KLHL31: variants seen among roughly 807,000 people sequenced by gnomAD.
The protein encoded by KLHL31 is kelch-like protein 31.
A neutral mutation model predicts 47.1 loss-of-function variants in KLHL31; 32 were observed. The observed-to-expected ratio is 0.68, with a 90% CI of 0.51 to 0.91. KLHL31 has a LOEUF of 0.91. KLHL31 is among the 40% of genes least tolerant of loss of function. The probability of loss-of-function intolerance (pLI) is 0.00; values close to 1 mark genes in which losing one functional copy is unlikely to be tolerated. For synonymous variants in KLHL31, 330 were observed against 325.1 expected, an observed-to-expected ratio of 1.01 and a Z score of -0.16; for missense variants, 797 against 819.3, an observed-to-expected ratio of 0.97 and a Z score of 0.33.
At chr6:53,664,674 T>G (rs1764693979) in intron 1 of KLHL31, among the ~76,000 whole-genome samples, 1 of 152,232 alleles carries the variant, frequency 6.6e-6, no homozygotes, top group Admixed American at 6.5e-5. Flanking sequence ...GCACCCATGC[T>G]TCCTGGGAGT....
In KLHL31 at chr6:53,654,098, T is replaced by C; in HGVS notation, c.1172+3A>G. On this transcript the variant is annotated splice_donor_region_variant and intron_variant, in intron 2 of 2. Transcript: ENST00000370905. Reference sequence around the variant, plus strand: ...TTTCAGTTCCTAATAAAAGATCAAGTACCTGCAGAAATTGCTGACTGCATG... The same window carrying C: ...TTTCAGTTCCTAATAAAAGATCAAGCACCTGCAGAAATTGCTGACTGCATG... The C allele has an allele frequency of 6.3e-7, 1 of 1,590,604 alleles. No homozygotes were observed. Among genetic ancestry groups the C allele is most frequent in the Non-Finnish European group, 8.6e-7 (1 of 1,168,246 alleles).
intron 1 of KLHL31, among the ~76,000 whole-genome samples, chr6:53,661,240 A>G (rs1764640727): frequency 6.6e-6 from 1 of 152,230 alleles, no homozygotes; most frequent in Admixed American, 6.5e-5. Flanking sequence ...CTTATGCTCC[A>G]GGCCCTGTTA....
At chr6:53,662,238 C>T (rs886097398) in intron 1 of KLHL31, among the ~76,000 whole-genome samples, 3 of 152,184 alleles carry the variant, frequency 2.0e-5, no homozygotes, top group African/African-American at 7.2e-5. Context: ...AGGCTTGGTT[C>T]TCCCTGGCTG....
chr6:53,663,347 AC>A (rs1339601664), intron 1 of KLHL31, among the ~76,000 whole-genome samples: 11 of 152,220 alleles, frequency 7.2e-5, no homozygotes, highest in South Asian at 6.2e-4. Flanking sequence ...TAAAAGAGTT[AC>A]CTTTTTGAAT....
chr6:53,664,131 T>G (rs544539219), intron 1 of KLHL31, among the ~76,000 whole-genome samples: 1 of 152,332 alleles, frequency 6.6e-6, no homozygotes, highest in African/African-American at 2.4e-5. Context: ...GGGATCTATA[T>G]GTCTGGGTCT....
Position 53,650,642 on chromosome 6 carries a change from G to T in KLHL31, c.*956C>A, listed in dbSNP as rs1202689068. ...AAACTTCAAGCTCTCTAAGCTTAAG[G>T]CTAATGGTCCTTAGGGACATAGTTT... On this transcript the variant is annotated 3_prime_UTR_variant, in exon 3 of 3. Transcript: ENST00000370905. 1 of 152,160 alleles carries T rather than the reference G, an allele frequency of 6.6e-6. No individual in the cohort carries two copies. Among genetic ancestry groups the T allele is most frequent in the Non-Finnish European group, 1.5e-5 (1 of 68,028 alleles). The allele number at this position is 152,160 out of a possible 1,614,324, so 9.4% of individuals were successfully genotyped here.
At position 53,648,611 on chromosome 6, in the gene KLHL31, C is replaced by T. The variant is rs1764425764; in HGVS notation, c.*2987G>A. 2 of 152,262 alleles carry T rather than the reference C, an allele frequency of 1.3e-5. No homozygotes were observed. The allele number at this position is 152,262 out of a possible 1,614,324, so 9.4% of individuals were successfully genotyped here. On this transcript the variant is annotated 3_prime_UTR_variant, in exon 3 of 3. Transcript: ENST00000370905. ...CTTCCTCATGACATCAATTATACCT[C>T]CTCACTCATAACACTTCACTACCAT...
chr6:53,651,928 C>G lies in KLHL31; in HGVS notation c.1575G>C (p.Pro525=), dbSNP rs1159487673. The G allele has an allele frequency of 6.3e-7, 1 of 1,589,326 alleles. No homozygotes were observed. The highest frequency in any genetic ancestry group is 2.3e-5 in the East Asian group (1 of 44,304). ...TGAGCACGTCCACGCGCTCCCCGCG[C>G]GGCCCCAGCTGGCTGCCGCCCATCA... ...VYVMGGSQLG[P]RGERVDVLTV... The change falls in exon 3 of 3, where the codon CCG becomes CCC. Residue 525 remains proline, a synonymous_variant. Coordinates refer to ENST00000370905, the MANE Select transcript of KLHL31 (RefSeq NM_001003760.5).
chr6:53,654,875 A>G lies in KLHL31; in HGVS notation c.398T>C (p.Leu133Pro). The change falls in exon 2 of 3, where the codon CTC becomes CCC. Residue 133 changes from leucine to proline, a missense_variant. Leu to Pro is a moderately conservative substitution (Grantham distance 98, BLOSUM62 -3). Transcript: ENST00000370905. ...TVIAYAYTGKLTLSLYTIGSI... is the reference protein window; with the variant it reads ...TVIAYAYTGKPTLSLYTIGSI... The stretch of plus-strand genomic sequence containing the variant: ...TCCTATTGTATACAAGGAGAGAGTG[A>G]GCTTTCCAGTGTAGGCATATGCAAT... The G allele has an allele frequency of 1.2e-6, 2 of 1,614,182 alleles. No homozygotes were observed. Among genetic ancestry groups the G allele is most frequent in the East Asian group, 2.2e-5 (1 of 44,888 alleles).
Position 53,651,996 on chromosome 6 carries a change from G to A in KLHL31, c.1507C>T (p.Arg503Trp). 6 of 1,592,482 alleles carry A rather than the reference G, an allele frequency of 3.8e-6. No homozygotes were observed. The highest frequency in any genetic ancestry group is 4.3e-6 in the Non-Finnish European group (5 of 1,175,470). ...WQELPNLSTP[R>W]GWHCAVTLSD... ...AGCGTGACCGCGCAGTGCCAGCCCC[G>A]GGGTGTGCTGAGGTTCGGCAGCTCC... The change falls in exon 3 of 3, where the codon CGG becomes TGG. Residue 503 changes from arginine to tryptophan, a missense_variant. By Grantham distance (101) the Arg-to-Trp change is moderately radical. Transcript: ENST00000370905.
intron 1 of KLHL31, among the ~76,000 whole-genome samples, chr6:53,657,719 T>C (rs941910387): frequency 1.3e-5 from 2 of 151,546 alleles, no homozygotes; most frequent in Admixed American, 1.3e-4. Context: ...CTTGAAGGGT[T>C]TTCAATTTGA....
chr6:53,654,962 T>C lies in KLHL31; in HGVS notation c.311A>G (p.Lys104Arg). Reference protein sequence around the residue: ...CSEYFYNILKKDPSIQRVDLN... With the variant: ...CSEYFYNILKRDPSIQRVDLN... ...ATCCACCCTCTGAATTGACGGGTCT[T>C]TTTTTAGGATGTTGTAAAAATACTC... The change falls in exon 2 of 3, where the codon AAA becomes AGA. Residue 104 changes from lysine (K) to arginine (R), a missense_variant. Transcript: ENST00000370905. 1 of 1,614,188 alleles carries C rather than the reference T, an allele frequency of 6.2e-7. No individual in the cohort carries two copies. Among genetic ancestry groups the C allele is most frequent in the Non-Finnish European group, 8.5e-7 (1 of 1,180,010 alleles).
intron 2 of KLHL31, 53 bp downstream of exon 2, chr6:53,654,048 G>A (rs1764515602): frequency 1.4e-6 from 2 of 1,418,298 alleles, no homozygotes; most frequent in Admixed American, 2.2e-5. Context: ...CTATGTTAGG[G>A]CTATTTCCCT....
chr6:53,663,112 G>A (rs1005013636), intron 1 of KLHL31, among the ~76,000 whole-genome samples: 1 of 152,276 alleles, frequency 6.6e-6, no homozygotes, highest in Non-Finnish European at 1.5e-5. Flanking sequence ...TATCACATAA[G>A]TAAGTGTGCA....
chr6:53,660,859 C>A (rs1232325842), intron 1 of KLHL31, among the ~76,000 whole-genome samples: 1 of 152,154 alleles, frequency 6.6e-6, no homozygotes, highest in African/African-American at 2.4e-5. Flanking sequence ...CTGCAAACAA[C>A]TTTCTTGTGG....
intron 1 of KLHL31, among the ~76,000 whole-genome samples, chr6:53,662,536 G>A (rs1764662227): frequency 6.6e-6 from 1 of 152,144 alleles, no homozygotes; most frequent in South Asian, 2.1e-4. Flanking sequence ...CTTTCTTTCT[G>A]TGGAGGAAGC....
Position 53,654,929 on chromosome 6 carries a change from T to C in KLHL31, c.344A>G (p.Asp115Gly). The change falls in exon 2 of 3, where the codon GAT (aspartate) becomes GGT (glycine). Residue 115 changes from aspartate to glycine, a missense_variant. Transcript: ENST00000370905. ...AGTGGCCAGGCCTAGTGGTGAGATA[T>C]CATTGAGATCCACCCTCTGAATTGA... ...DPSIQRVDLN[D>G]ISPLGLATVI... 1 of 1,614,010 alleles carries C rather than the reference T, an allele frequency of 6.2e-7. No individual in the cohort carries two copies. Among genetic ancestry groups the C allele is most frequent in the Non-Finnish European group, 8.5e-7 (1 of 1,179,894 alleles).
At chr6:53,657,751 T>C (rs1389479877) in intron 1 of KLHL31, among the ~76,000 whole-genome samples, 1 of 151,988 alleles carries the variant, frequency 6.6e-6, no homozygotes, top group African/African-American at 2.4e-5. Context: ...TGTGTTAAAG[T>C]AATTTTGTAG....
At chr6:53,656,230 G>A (rs4715413) in intron 1 of KLHL31, among the ~76,000 whole-genome samples, 137,120 of 152,210 alleles carry the variant, frequency 0.9, 61,858 homozygotes, top group East Asian at 1. Context: ...TGTCATTTCA[G>A]TGAAATTTTA....
Sources: allele counts gnomAD v4.1 joint callset (sites outside exome capture counted in the v4.1 genomes callset), GRCh38; gene constraint gnomAD v4.1.1; transcripts MANE v1.5; gene names NCBI Gene and HGNC (gene_info 2026-07-23, HGNC 2026-07-21).